Variants in CDK17 observed in about 807,000 individuals in gnomAD.
The protein encoded by CDK17 is cyclin dependent kinase 17, also known as cyclin-dependent kinase 17.
Under a neutral mutation model 77.6 loss-of-function variants are expected in CDK17, and 24 were observed. That is an observed-to-expected ratio of 0.31 (90% CI 0.22 to 0.44). CDK17 has a LOEUF of 0.44. CDK17 is among the 20% of genes least tolerant of loss of function. The pLI is 1.00. For synonymous variants in CDK17, 203 were observed against 210.4 expected, an observed-to-expected ratio of 0.96 and a Z score of 0.30; for missense variants, 429 against 622.5, an observed-to-expected ratio of 0.69 and a Z score of 3.31.
intron 1 of CDK17, among the ~76,000 whole-genome samples, chr12:96,361,565 TAG>T (rs1464982727): frequency 5.3e-5 from 8 of 152,244 alleles, no homozygotes; most frequent in South Asian, 2.1e-4. Context: ...TGCAAATATT[TAG>T]AGTTACAAAA....
intron 1 of CDK17, among the ~76,000 whole-genome samples, chr12:96,371,350 C>G (rs1953690094): frequency 6.6e-6 from 1 of 152,126 alleles, no homozygotes; most frequent in African/African-American, 2.4e-5. Context: ...AAAGATATCC[C>G]GTGAAGCCCA....
intron 15 of CDK17, chr12:96,281,718 A>G (rs1952181278): frequency 6.6e-6 from 1 of 152,188 alleles, no homozygotes; most frequent in Non-Finnish European, 1.5e-5. Context: ...TTCATTTCCA[A>G]TCTCTGTCAG....
At chr12:96,286,914 C>A (rs1592704920) in intron 11 of CDK17, among the ~76,000 whole-genome samples, 153 bp from the exon 12 acceptor site, 1 of 152,186 alleles carries the variant, frequency 6.6e-6, no homozygotes. Flanking sequence ...AATTTGTTCG[C>A]ATTTACCCTA....
intron 3 of CDK17, among the ~76,000 whole-genome samples, chr12:96,319,227 C>T (rs1200952385): frequency 3.3e-5 from 5 of 151,680 alleles, no homozygotes; most frequent in South Asian, 2.1e-4. Flanking sequence ...TCAACACATA[C>T]ACTCTCCCAA....
intron 1 of CDK17, among the ~76,000 whole-genome samples, chr12:96,343,921 T>C (rs1953160336): frequency 6.6e-6 from 1 of 152,108 alleles, no homozygotes; most frequent in African/African-American, 2.4e-5. Context: ...AAATCAACTG[T>C]CCTAAATATA....
intron 4 of CDK17, among the ~76,000 whole-genome samples, chr12:96,312,293 T>A (rs1341733798): frequency 6.6e-6 from 1 of 151,862 alleles, no homozygotes; most frequent in East Asian, 1.9e-4. Flanking sequence ...CAGAAAAAAA[T>A]ATATACTATA....
chr12:96,381,013 ACTT>A, intron 1 of CDK17, among the ~76,000 whole-genome samples: 1 of 152,130 alleles, frequency 6.6e-6, no homozygotes, highest in Non-Finnish European at 1.5e-5. Flanking sequence ...TGAGACATCT[ACTT>A]AATACCCTCA....
chr12:96,305,553 A>C (rs1199813460), intron 5 of CDK17, among the ~76,000 whole-genome samples: 3 of 152,216 alleles, frequency 2.0e-5, no homozygotes, highest in African/African-American at 4.8e-5. Context: ...GACTGAACAC[A>C]CATCAGTTTA....
chr12:96,374,588 T>C (rs931045678), intron 1 of CDK17, among the ~76,000 whole-genome samples: 1 of 152,198 alleles, frequency 6.6e-6, no homozygotes, highest in Non-Finnish European at 1.5e-5. Context: ...TTCTCTGACC[T>C]CTTGGCAAAT....
intron 1 of CDK17, among the ~76,000 whole-genome samples, chr12:96,358,903 T>C (rs1367276629): frequency 1.4e-5 from 2 of 144,380 alleles, no homozygotes; most frequent in Non-Finnish European, 3.0e-5. Context: ...AGAGTGAATT[T>C]CTTTTTCCCA....
At chr12:96,311,326 T>TA (rs1313970145) in intron 4 of CDK17, 149 bp from the exon 5 acceptor site, 1 of 575,566 alleles carries the variant, frequency 1.7e-6, no homozygotes. Flanking sequence ...ATATGTAATA[T>TA]ACTCATGGCA....
At chr12:96,295,162 G>A in intron 9 of CDK17, 40 bp from the exon 10 acceptor site, 1 of 1,521,570 alleles carries the variant, frequency 6.6e-7, no homozygotes, top group Non-Finnish European at 9.0e-7. Context: ...TTAAAGATGA[G>A]ACATGCTTTA....
intron 5 of CDK17, among the ~76,000 whole-genome samples, chr12:96,300,829 C>A (rs920891000): frequency 3.3e-5 from 5 of 152,098 alleles, no homozygotes; most frequent in African/African-American, 9.7e-5. Flanking sequence ...TTAAAATAAA[C>A]CCAATGTTGG....
At chr12:96,341,344 C>CACACAT (rs149595808) in intron 1 of CDK17, among the ~76,000 whole-genome samples, 2 of 149,806 alleles carry the variant, frequency 1.3e-5, no homozygotes, top group Admixed American at 6.6e-5. Flanking sequence ...CACACACACA[C>CACACAT]GTCTCATATA....
intron 1 of CDK17, among the ~76,000 whole-genome samples, chr12:96,367,671 G>A (rs1406008337): frequency 6.6e-6 from 1 of 152,060 alleles, no homozygotes; most frequent in Non-Finnish European, 1.5e-5. Context: ...TGGCATGTGA[G>A]TCACAGCAGA....
chr12:96,363,987 G>A (rs1953542698), intron 1 of CDK17, among the ~76,000 whole-genome samples: 1 of 152,200 alleles, frequency 6.6e-6, no homozygotes, highest in South Asian at 2.1e-4. Flanking sequence ...ATCCTCTTTA[G>A]AATTTCACAT....
intron 1 of CDK17, among the ~76,000 whole-genome samples, chr12:96,361,036 AG>A (rs1274043694): frequency 3.9e-5 from 6 of 152,260 alleles, no homozygotes; most frequent in African/African-American, 1.4e-4. Flanking sequence ...GGGAAGTCGT[AG>A]GAACTATGAA....
chr12:96,342,963 TAAA>T (rs34026126), intron 1 of CDK17, among the ~76,000 whole-genome samples: 14 of 150,012 alleles, frequency 9.3e-5, no homozygotes, highest in African/African-American at 3.4e-4. Context: ...AACTCTGTCT[TAAA>T]AAAAAAAATT....
chr12:96,280,974 AC>A lies in CDK17; in HGVS notation c.1457-90del, dbSNP rs565939667. On this transcript the variant is annotated intron_variant, in intron 15 of 16. Transcript: ENST00000261211. ...ATCAACAAATGTTTATAAAGCATATACTGATTCAATATGAAACCATTTTACA... is the reference window on the plus strand; with the variant it reads ...ATCAACAAATGTTTATAAAGCATATATGATTCAATATGAAACCATTTTACA... 290 of 1,079,578 alleles carry A rather than the reference AC, an allele frequency of 2.7e-4. 1 individual carries two copies. In the South Asian group the frequency reaches 3.2e-3, roughly 12 times the overall value. The allele number at this position is 1,079,578 out of a possible 1,614,324, so 66.9% of individuals were successfully genotyped here.
Sources: gnomAD v4.1 joint callset for allele counts (sites outside exome capture counted in the v4.1 genomes callset) on GRCh38, gnomAD v4.1.1 for gene constraint, MANE v1.5 for transcripts, NCBI Gene and HGNC (gene_info 2026-07-23, HGNC 2026-07-21) for gene names.